The following KCNMB4 variants were observed in gnomAD, a reference collection of about 807,000 sequenced individuals.
The protein encoded by KCNMB4 is potassium calcium-activated channel subfamily M regulatory beta subunit 4.
In KCNMB4, 3 loss-of-function variants were observed where a neutral mutation model predicts 20.7. That is an observed-to-expected ratio of 0.14 (90% confidence interval 0.07 to 0.37). The LOEUF is 0.37. Ranked by LOEUF, KCNMB4 falls within the 10% of genes least tolerant of loss-of-function variation. The pLI is 1.00. For synonymous variants in KCNMB4, 110 were observed against 113.4 expected, an observed-to-expected ratio of 0.97 and a Z score of 0.19; for missense variants, 168 against 265.9, an observed-to-expected ratio of 0.63 and a Z score of 2.56.
chr12:70,420,256 A>G (rs1011508562), intron 2 of KCNMB4, among the ~76,000 whole-genome samples: 2 of 152,218 alleles, frequency 1.3e-5, no homozygotes, highest in Admixed American at 6.5e-5. Flanking sequence ...TGTCCACACC[A>G]TAATCCCGAT....
chr12:70,381,367 CT>C lies in KCNMB4; in HGVS notation c.336+14302del, dbSNP rs1883783260. On this transcript the variant is annotated intron_variant, in intron 1 of 2. Coordinates refer to ENST00000258111, the MANE Select transcript of KCNMB4 (RefSeq NM_014505.6). ...AAACAGTTGCCATGTGACCAAGCAA[CT>C]TTTTCCTAATTATATATCCAAGAGA... Among the ~76,000 whole-genome samples the C allele has an allele frequency of 2.0e-5, 3 of 152,180 alleles. No individual in the cohort carries two copies. The South Asian group carries it at 6.2e-4, about 31-fold the overall frequency.
chr12:70,426,119 C>A (rs529416204), intron 2 of KCNMB4, among the ~76,000 whole-genome samples: 2 of 152,026 alleles, frequency 1.3e-5, no homozygotes, highest in South Asian at 4.2e-4. Context: ...TATGGTGAAA[C>A]CCCATCTCTA....
intron 1 of KCNMB4, among the ~76,000 whole-genome samples, chr12:70,395,459 T>C (rs1003518430): frequency 6.6e-6 from 1 of 152,094 alleles, no homozygotes; most frequent in Non-Finnish European, 1.5e-5. Context: ...AAGACACTTA[T>C]CACAAAGAAC....
intron 2 of KCNMB4, among the ~76,000 whole-genome samples, chr12:70,405,129 C>A (rs1323397443): frequency 1.3e-5 from 2 of 152,120 alleles, no homozygotes; most frequent in African/African-American, 4.8e-5. Context: ...ACAGACTACT[C>A]ATTCAAGAAG....
intron 1 of KCNMB4, among the ~76,000 whole-genome samples, chr12:70,369,924 G>A (rs1451388313): frequency 2.6e-5 from 4 of 152,046 alleles, no homozygotes; most frequent in Admixed American, 1.3e-4. Context: ...ATCTAAATTC[G>A]GGGTCAACTT....
At chr12:70,384,531 C>G (rs1883851937) in intron 1 of KCNMB4, among the ~76,000 whole-genome samples, 1 of 152,204 alleles carries the variant, frequency 6.6e-6, no homozygotes, top group South Asian at 2.1e-4. Context: ...CCTCGGGATT[C>G]ACTAACAGAG....
At position 70,430,704 on chromosome 12, in the gene KCNMB4, A is replaced by G; in HGVS notation, c.*51A>G. 6.7e-7 allele frequency: 1 copy of G among 1,497,036 alleles called. No individual in the cohort carries two copies. The highest frequency in any genetic ancestry group is 1.4e-5 in the South Asian group (1 of 73,302). 92.7% of individuals were successfully genotyped at this position (1,497,036 alleles called of 1,614,324 possible). A position where few individuals can be genotyped will look rare whatever the true frequency, so the allele number is the denominator to read the frequency against. Reference sequence around the variant, plus strand: ...AAGTACAGAAGCTGTACTCATCGGCACGCGTCCACCTGCGGAACCTGTGTT... The same window carrying G: ...AAGTACAGAAGCTGTACTCATCGGCGCGCGTCCACCTGCGGAACCTGTGTT... On this transcript the variant is annotated 3_prime_UTR_variant, in exon 3 of 3. Transcript: ENST00000258111.
chr12:70,419,609 C>T (rs1392272194), intron 2 of KCNMB4, among the ~76,000 whole-genome samples: 2 of 152,126 alleles, frequency 1.3e-5, no homozygotes, highest in East Asian at 3.9e-4. Context: ...TTAGGAAAGT[C>T]AAACATGGTG....
chr12:70,366,663 G>A lies in KCNMB4; in HGVS notation c.-72G>A. The A allele has an allele frequency of 9.5e-7, 1 of 1,050,286 alleles. No individual in the cohort carries two copies. The highest frequency in any genetic ancestry group is 2.8e-5 in the South Asian group (1 of 35,844). 65.1% of individuals were successfully genotyped at this position (1,050,286 alleles called of 1,614,324 possible). ...GTGGCGGCGGCGGCTCCTCCCGCCCGAGGCAGTCGGGCTCGGCGCCGGGGG... is the reference window on the plus strand; with the variant it reads ...GTGGCGGCGGCGGCTCCTCCCGCCCAAGGCAGTCGGGCTCGGCGCCGGGGG... On this transcript the variant is annotated 5_prime_UTR_variant, in exon 1 of 3. Transcript: ENST00000258111.
chr12:70,425,982 A>G (rs1467095403), intron 2 of KCNMB4, among the ~76,000 whole-genome samples: 2 of 152,056 alleles, frequency 1.3e-5, no homozygotes, highest in African/African-American at 4.8e-5. Flanking sequence ...CTACACAAAA[A>G]TATGTAGAGA....
At chr12:70,383,221 C>G (rs1276374133) in intron 1 of KCNMB4, among the ~76,000 whole-genome samples, 1 of 152,080 alleles carries the variant, frequency 6.6e-6, no homozygotes, top group Admixed American at 6.5e-5. Flanking sequence ...TCACAACGTA[C>G]ACATATATCA....
rs141924466 is a variant in KCNMB4 at position 70,385,215 on chromosome 12, G to C, written c.337-14994G>C. Among the ~76,000 whole-genome samples the C allele has an allele frequency of 2.6e-3, 392 of 152,272 alleles. 3 individuals are homozygous for C. Among genetic ancestry groups the C allele is most frequent in the African/African-American group, 9.1e-3 (378 of 41,552 alleles). On this transcript the variant is annotated intron_variant, in intron 1 of 2. Coordinates refer to ENST00000258111, the MANE Select transcript of KCNMB4 (RefSeq NM_014505.6). ...TTATTGGGTATCTGCCATGTTACAGGCCCTATCCTAACTGCTGTGAATGCT... is the reference window on the plus strand; with the variant it reads ...TTATTGGGTATCTGCCATGTTACAGCCCCTATCCTAACTGCTGTGAATGCT...
At position 70,376,787 on chromosome 12, in the gene KCNMB4, A is replaced by C. The variant is rs1296085652; in HGVS notation, c.336+9717A>C. Among the ~76,000 whole-genome samples, 3 of 151,646 alleles carry C rather than the reference A, an allele frequency of 2.0e-5. No individual in the cohort carries two copies. The East Asian group carries it at 5.8e-4, about 29-fold the overall frequency. ...CTTGGGAGGCTGAAGTGGGAGGATCACTTGATCCTGGGAGATTAAGGCTGC... is the reference window on the plus strand; with the variant it reads ...CTTGGGAGGCTGAAGTGGGAGGATCCCTTGATCCTGGGAGATTAAGGCTGC... On this transcript the variant is annotated intron_variant, in intron 1 of 2. Transcript: ENST00000258111.
At chr12:70,401,736 A>G (rs1431681280) in intron 2 of KCNMB4, among the ~76,000 whole-genome samples, 2 of 150,336 alleles carry the variant, frequency 1.3e-5, no homozygotes, top group Non-Finnish European at 2.9e-5. Flanking sequence ...CTCCTCCCTC[A>G]CATGCCCAGC....
At chr12:70,407,664 T>C (rs1039467916) in intron 2 of KCNMB4, among the ~76,000 whole-genome samples, 12 of 151,934 alleles carry the variant, frequency 7.9e-5, no homozygotes, top group African/African-American at 2.7e-4. Flanking sequence ...AGACGGGGTT[T>C]CACCGTGTTA....
chr12:70,368,333 G>A (rs1476196601), intron 1 of KCNMB4, among the ~76,000 whole-genome samples: 2 of 151,698 alleles, frequency 1.3e-5, no homozygotes, highest in African/African-American at 4.8e-5. Flanking sequence ...TTGAATTTGA[G>A]ACATTTAGAA....
intron 1 of KCNMB4, among the ~76,000 whole-genome samples, chr12:70,388,139 G>A (rs1325503758): frequency 2.0e-5 from 3 of 152,054 alleles, no homozygotes; most frequent in Non-Finnish European, 4.4e-5. Flanking sequence ...CGTCCATGAT[G>A]TTGCAAATGA....
intron 1 of KCNMB4, among the ~76,000 whole-genome samples, chr12:70,389,434 C>T (rs1868282506): frequency 6.6e-6 from 1 of 152,162 alleles, no homozygotes; most frequent in Non-Finnish European, 1.5e-5. Context: ...TGGCTCACGC[C>T]TGGGATCCCA....
intron 2 of KCNMB4, among the ~76,000 whole-genome samples, chr12:70,410,996 C>T (rs1457131866): frequency 6.6e-6 from 1 of 152,080 alleles, no homozygotes; most frequent in Non-Finnish European, 1.5e-5. Context: ...GTGGTTTCTT[C>T]AGAACACAGT....
Sources: allele counts gnomAD v4.1 joint callset (sites outside exome capture counted in the v4.1 genomes callset), GRCh38; gene constraint gnomAD v4.1.1; transcripts MANE v1.5; gene names NCBI Gene and HGNC (gene_info 2026-07-23, HGNC 2026-07-21).